DIXDC1: variants seen among roughly 807,000 people sequenced by gnomAD.
DIXDC1 encodes dixin.
In DIXDC1, 64 loss-of-function variants were observed where a neutral mutation model predicts 103.1. That is an observed-to-expected ratio of 0.62 (90% CI 0.51 to 0.76). The LOEUF (loss-of-function observed/expected upper bound fraction) is 0.76, where lower values mean the gene tolerates loss of function less well. Among genes scored for constraint, DIXDC1 ranks in the 30% least tolerant of loss-of-function variants. The pLI, the probability that DIXDC1 is intolerant of heterozygous loss-of-function variation, is 0.00. For synonymous variants in DIXDC1, 266 were observed against 298.5 expected, an observed-to-expected ratio of 0.89 and a Z score of 1.12; for missense variants, 759 against 834.2, an observed-to-expected ratio of 0.91 and a Z score of 1.11.
chr11:111,937,320 G>A, upstream of DIXDC1: 1 of 1,337,250 alleles, frequency 7.5e-7, no homozygotes, highest in South Asian at 2.0e-5. Flanking sequence ...GCCCCCGTGC[G>A]AGCATGCCCA....
chr11:111,978,292 A>G (rs1279712610), intron 5 of DIXDC1, among the ~76,000 whole-genome samples: 1 of 152,220 alleles, frequency 6.6e-6, no homozygotes, highest in African/African-American at 2.4e-5. Context: ...TGTCATATAC[A>G]TAATTAATTA....
At chr11:112,013,348 A>T (rs1276785173) in intron 17 of DIXDC1, among the ~76,000 whole-genome samples, 1 of 149,930 alleles carries the variant, frequency 6.7e-6, no homozygotes, top group Non-Finnish European at 1.5e-5. Context: ...GGGGGAACAA[A>T]TTCAGTCCAT....
chr11:111,937,138 GGGGT>G, upstream of DIXDC1: 1 of 743,510 alleles, frequency 1.3e-6, no homozygotes, highest in Non-Finnish European at 1.6e-6. Context: ...GGGCGGGGGG[GGGGT>G]GTGCGCGTGC....
intron 14 of DIXDC1, among the ~76,000 whole-genome samples, chr11:111,994,283 G>A (rs1555175014): frequency 1.3e-5 from 2 of 152,096 alleles, no homozygotes; most frequent in African/African-American, 4.8e-5. Context: ...AGCTACTCAG[G>A]AGGCTGAGGC....
At chr11:112,006,630 T>G (rs1391170187) in intron 17 of DIXDC1, among the ~76,000 whole-genome samples, 1 of 152,198 alleles carries the variant, frequency 6.6e-6, no homozygotes, top group Non-Finnish European at 1.5e-5. Flanking sequence ...ATATTTGCTG[T>G]TCTGCAGCCT....
At chr11:111,944,293 T>C (rs1592545681) in intron 1 of DIXDC1, among the ~76,000 whole-genome samples, 1 of 152,210 alleles carries the variant, frequency 6.6e-6, no homozygotes, top group Non-Finnish European at 1.5e-5. Context: ...CTTGTTTGCT[T>C]TTCTTGTTGC....
intron 2 of DIXDC1, among the ~76,000 whole-genome samples, chr11:111,930,668 GC>G (rs1555167572): frequency 2.0e-5 from 3 of 151,862 alleles, no homozygotes; most frequent in African/African-American, 7.3e-5. Context: ...GCTCACCCCT[GC>G]CCCCCACATT....
chr11:111,954,424 G>A (rs76804770), intron 1 of DIXDC1, among the ~76,000 whole-genome samples: 43 of 152,244 alleles, frequency 2.8e-4, no homozygotes, highest in African/African-American at 9.9e-4. Flanking sequence ...TCTGTGGCCC[G>A]GTTGCTAACA....
chr11:111,959,677 A>G (rs1859507473), intron 1 of DIXDC1, among the ~76,000 whole-genome samples: 1 of 152,238 alleles, frequency 6.6e-6, no homozygotes, highest in African/African-American at 2.4e-5. Context: ...CAAGGATCCC[A>G]TAACATTAGC....
upstream of DIXDC1, chr11:111,937,112 G>A (rs1966217610): frequency 6.4e-6 from 4 of 627,310 alleles, no homozygotes; most frequent in South Asian, 2.8e-4. Context: ...ACGCACACAC[G>A]CCCGTGCTGC....
chr11:111,928,015 C>CAAAAAAA (rs782156043), intron 1 of DIXDC1, among the ~76,000 whole-genome samples: 1 of 68,754 alleles, frequency 1.5e-5, no homozygotes, highest in African/African-American at 5.8e-5. Context: ...GACTCCATCT[C>CAAAAAAA]AAAAAAAAAA....
At chr11:111,966,279 A>G (rs1171921274) in intron 2 of DIXDC1, among the ~76,000 whole-genome samples, 2 of 139,106 alleles carry the variant, frequency 1.4e-5, no homozygotes, top group African/African-American at 5.5e-5. Context: ...CTGGAGTGCA[A>G]TGGCATAATC....
At chr11:111,970,205 G>C (rs970549473) in intron 3 of DIXDC1, among the ~76,000 whole-genome samples, 1 of 152,036 alleles carries the variant, frequency 6.6e-6, no homozygotes, top group African/African-American at 2.4e-5. Context: ...ACAGGCATGC[G>C]CCACCATGCC....
At chr11:111,971,959 G>A (rs1859950752) in intron 3 of DIXDC1, among the ~76,000 whole-genome samples, 2 of 151,998 alleles carry the variant, frequency 1.3e-5, no homozygotes, top group South Asian at 2.1e-4. Flanking sequence ...ATAGAAACTG[G>A]GGACTACTAG....
chr11:111,945,436 AC>A (rs1966560724), intron 1 of DIXDC1, among the ~76,000 whole-genome samples: 1 of 152,006 alleles, frequency 6.6e-6, no homozygotes, highest in African/African-American at 2.4e-5. Flanking sequence ...TGGTCATAGG[AC>A]CCACCACTGT....
chr11:111,948,216 A>G (rs1331896004), intron 1 of DIXDC1, among the ~76,000 whole-genome samples: 1 of 152,124 alleles, frequency 6.6e-6, no homozygotes, highest in East Asian at 1.9e-4. Flanking sequence ...ACTCTACAGA[A>G]TTTTCCCATC....
chr11:112,000,465 G>A (rs1413717334), intron 17 of DIXDC1, among the ~76,000 whole-genome samples: 1 of 152,136 alleles, frequency 6.6e-6, no homozygotes, highest in East Asian at 1.9e-4. Context: ...TTGGGAGGCT[G>A]AGGTGGGCAG....
At chr11:111,948,362 C>CCA (rs1234960443) in intron 1 of DIXDC1, among the ~76,000 whole-genome samples, 1 of 152,180 alleles carries the variant, frequency 6.6e-6, no homozygotes, top group Non-Finnish European at 1.5e-5. Context: ...TAAGGCTTAT[C>CCA]CACTGTCTCT....
chr11:111,988,890 G>C, intron 9 of DIXDC1, 115 bp from the exon 10 acceptor site: 1 of 850,954 alleles, frequency 1.2e-6, no homozygotes, highest in East Asian at 2.7e-5. Flanking sequence ...TTAGTAGAGG[G>C]TTAATTTTTC....
Sources: gnomAD v4.1 joint callset for allele counts (sites outside exome capture counted in the v4.1 genomes callset) on GRCh38, gnomAD v4.1.1 for gene constraint, MANE v1.5 for transcripts, NCBI Gene and HGNC (gene_info 2026-07-23, HGNC 2026-07-21) for gene names.